ANKH: variants seen among roughly 807,000 people sequenced by gnomAD.
ANKH encodes ANKH inorganic pyrophosphate transport regulator.
Under a neutral mutation model 49.0 loss-of-function variants are expected in ANKH, and 15 were observed. That is an observed-to-expected ratio of 0.31 (90% CI 0.20 to 0.47). The LOEUF is 0.47. Among genes scored for constraint, ANKH ranks in the 20% least tolerant of loss-of-function variants. ANKH has a pLI of 1.00. For missense variants in ANKH, 429 were observed against 652.0 expected (o/e 0.66, Z 3.72); for synonymous variants, 273 against 260.0 (o/e 1.05, Z -0.48).
intron 1 of ANKH, among the ~76,000 whole-genome samples, chr5:14,794,178 G>A (rs1740298247): frequency 6.6e-6 from 1 of 152,236 alleles, no homozygotes; most frequent in South Asian, 2.1e-4. Flanking sequence ...GAAGTGTACT[G>A]GGAAAGCCAG....
chr5:14,721,369 C>CA (rs1267930298), intron 8 of ANKH, among the ~76,000 whole-genome samples: 1 of 152,194 alleles, frequency 6.6e-6, no homozygotes, highest in Non-Finnish European at 1.5e-5. Flanking sequence ...CACACACCTA[C>CA]AGCCCAGACT....
intron 8 of ANKH, among the ~76,000 whole-genome samples, chr5:14,728,528 C>G (rs76425846): frequency 1.3e-5 from 2 of 152,190 alleles, no homozygotes; most frequent in African/African-American, 4.8e-5. Flanking sequence ...CTCCACCTCA[C>G]GGCGTGGGGG....
rs187481416 is a variant in ANKH at position 14,816,058 on chromosome 5, G to C, written c.97-46867C>G. Reference sequence around the variant, plus strand: ...GGCATATCAGTTTGACTAAGCACTGGGGATAAGCTGAAAAATAAGTATTCC... The same window carrying C: ...GGCATATCAGTTTGACTAAGCACTGCGGATAAGCTGAAAAATAAGTATTCC... On this transcript the variant is annotated intron_variant, in intron 1 of 11. Transcript: ENST00000284268. Among the ~76,000 whole-genome samples, 23 of 152,314 alleles carry C rather than the reference G, an allele frequency of 1.5e-4. No homozygotes were observed. The East Asian group carries it at 4.0e-3, about 27-fold the overall frequency.
intron 8 of ANKH, among the ~76,000 whole-genome samples, chr5:14,723,108 A>C (rs1737719736): frequency 6.6e-6 from 1 of 152,296 alleles, no homozygotes; most frequent in Non-Finnish European, 1.5e-5. Flanking sequence ...AGAGGAGGCT[A>C]CGGAAGCATG....
chr5:14,721,954 A>AAT (rs1737684778), intron 8 of ANKH, among the ~76,000 whole-genome samples: 1 of 150,538 alleles, frequency 6.6e-6, no homozygotes, highest in Non-Finnish European at 1.5e-5. Context: ...AAAAAAAAAA[A>AAT]GTGGGTATGG....
At chr5:14,718,658 A>G (rs561084870) in intron 8 of ANKH, among the ~76,000 whole-genome samples, 1 of 152,146 alleles carries the variant, frequency 6.6e-6, no homozygotes, top group Admixed American at 6.5e-5. Context: ...TAAAAATACA[A>G]AATTAACCGG....
chr5:14,791,994 T>C (rs945559950), intron 1 of ANKH, among the ~76,000 whole-genome samples: 2 of 152,152 alleles, frequency 1.3e-5, no homozygotes, highest in Non-Finnish European at 2.9e-5. Context: ...GGAACAGGCA[T>C]AGGACAAAAA....
chr5:14,783,234 A>G (rs1413097220), intron 1 of ANKH, among the ~76,000 whole-genome samples: 3 of 151,828 alleles, frequency 2.0e-5, no homozygotes, highest in East Asian at 3.9e-4. Context: ...AACACTGCCT[A>G]TAACTATCAG....
Position 14,706,719 on chromosome 5 carries a change from A to G in ANKH, c.*4478T>C, listed in dbSNP as rs1160589609. 1 of 152,190 alleles carries G rather than the reference A, an allele frequency of 6.6e-6. No individual in the cohort carries two copies. The highest frequency in any genetic ancestry group is 1.5e-5 in the Non-Finnish European group (1 of 68,034). 9.4% of individuals were successfully genotyped at this position (152,190 alleles called of 1,614,324 possible). ...CAGATTTTTCTCTACATCCTGTTTT[A>G]AGTGTGATTAGATCAGTTGATGAGT... On this transcript the variant is annotated 3_prime_UTR_variant, in exon 12 of 12. Coordinates refer to ENST00000284268, the MANE Select transcript of ANKH (RefSeq NM_054027.6).
intron 8 of ANKH, among the ~76,000 whole-genome samples, chr5:14,732,022 C>A (rs925637586): frequency 5.3e-5 from 8 of 152,162 alleles, no homozygotes; most frequent in African/African-American, 1.9e-4. Context: ...TCTGTGGACA[C>A]GCGGGTGTTC....
chr5:14,818,242 T>C (rs150126525), intron 1 of ANKH, among the ~76,000 whole-genome samples: 3 of 152,246 alleles, frequency 2.0e-5, no homozygotes, highest in African/African-American at 7.2e-5. Context: ...TACTCCATAT[T>C]TAAGTTTTAA....
intron 1 of ANKH, among the ~76,000 whole-genome samples, chr5:14,816,258 G>C (rs1741033695): frequency 6.6e-6 from 1 of 152,224 alleles, no homozygotes; most frequent in Non-Finnish European, 1.5e-5. Context: ...CCTTCAGCGA[G>C]TGACCTCTGC....
At chr5:14,800,727 CT>C (rs901835855) in intron 1 of ANKH, among the ~76,000 whole-genome samples, 3,434 of 135,224 alleles carry the variant, frequency 0.025, 46 homozygotes, top group African/African-American at 0.067. Context: ...CATTTTTTTT[CT>C]TTTTTTTTTT....
chr5:14,866,417 G>A (rs74963243), intron 1 of ANKH, among the ~76,000 whole-genome samples: 16,339 of 152,128 alleles, frequency 0.11, 1,274 homozygotes, highest in East Asian at 0.38. Context: ...TCACAGCAAC[G>A]TTGCCCTTAA....
chr5:14,839,031 T>C (rs1561078401), intron 1 of ANKH, among the ~76,000 whole-genome samples: 1 of 152,186 alleles, frequency 6.6e-6, no homozygotes. Context: ...TCAGCAAAGA[T>C]CCTTAAAGTG....
At chr5:14,715,716 T>G (rs1391680007) in intron 9 of ANKH, among the ~76,000 whole-genome samples, 1 of 152,234 alleles carries the variant, frequency 6.6e-6, no homozygotes, top group African/African-American at 2.4e-5. Flanking sequence ...GATACAGACA[T>G]ACACGTGCTA....
chr5:14,797,503 A>G (rs1740426272), intron 1 of ANKH: 1 of 1,611,212 alleles, frequency 6.2e-7, no homozygotes, highest in South Asian at 1.1e-5. Context: ...AGATCCCACA[A>G]GGCAACAGTC....
At chr5:14,857,142 A>G (rs1269056697) in intron 1 of ANKH, among the ~76,000 whole-genome samples, 1 of 152,126 alleles carries the variant, frequency 6.6e-6, no homozygotes, top group East Asian at 1.9e-4. Context: ...TCCAAAAGGT[A>G]CCAGGCATTT....
intron 1 of ANKH, among the ~76,000 whole-genome samples, chr5:14,808,098 C>G (rs1740760060): frequency 6.6e-6 from 1 of 152,136 alleles, no homozygotes; most frequent in African/African-American, 2.4e-5. Flanking sequence ...TTTTTGAAAA[C>G]TGTTTTTTTA....
Sources: gnomAD v4.1 joint callset for allele counts (sites outside exome capture counted in the v4.1 genomes callset) on GRCh38, gnomAD v4.1.1 for gene constraint, MANE v1.5 for transcripts, NCBI Gene and HGNC (gene_info 2026-07-23, HGNC 2026-07-21) for gene names.